The following RASSF10 variants were observed in gnomAD, a reference collection of about 807,000 sequenced individuals.
RASSF10 encodes the protein ras association domain-containing protein 10.
Under a neutral mutation model 41.5 loss-of-function variants are expected in RASSF10, and 22 were observed. The observed-to-expected ratio is 0.53, with a 90% CI of 0.38 to 0.76. RASSF10 has a LOEUF of 0.76. Ranked by LOEUF, RASSF10 falls within the 30% of genes least tolerant of loss-of-function variation. The pLI is 0.00. For missense variants in RASSF10, 776 were observed against 711.8 expected (o/e 1.09, Z -1.03); for synonymous variants, 364 against 319.0 (o/e 1.14, Z -1.50).
chr11:13,010,244 A>G lies in RASSF10; in HGVS notation c.668A>G (p.Glu223Gly). 6.3e-7 allele frequency: 1 copy of G among 1,581,102 alleles called. No individual in the cohort carries two copies. The highest frequency in any genetic ancestry group is 8.6e-7 in the Non-Finnish European group (1 of 1,164,556). ...CGGACCCACGAGAGCGCGTCGGTGGAGCGCATGGAGACGCTGGTGCATCTG... is the reference window on the plus strand; with the variant it reads ...CGGACCCACGAGAGCGCGTCGGTGGGGCGCATGGAGACGCTGGTGCATCTG... The part of the protein sequence containing the change: ...SPRTHESASV[E>G]RMETLVHLVL... Residue 223 changes from glutamate to glycine, a missense_variant, in exon 1 of 1, where the codon GAG becomes GGG. Glu to Gly is a moderately conservative substitution (Grantham distance 98, BLOSUM62 -2). Transcript: ENST00000529419. This position sits in a 1 kb window ranked among gnomAD's most constrained non-coding sequence, Gnocchi z 4.8.
rs1323791443 is a variant in RASSF10, at chr11:13,009,933, A to G, written c.357A>G (p.Glu119=). 1.9e-6 allele frequency: 3 copies of G among 1,592,968 alleles called. No homozygotes were observed. The highest frequency in any genetic ancestry group is 1.3e-5 in the African/African-American group (1 of 74,586). ...TGCGCCTCTGGGCTGCCTGGGGCGA[A>G]GAGCAAGAGAATGTGCGCTTCGTGC... is the stretch of plus-strand genomic sequence containing the variant. ...RILRLWAAWG[E]EQENVRFVLV... is the part of the protein sequence containing the mutation. The change falls in exon 1 of 1, where the codon GAA becomes GAG. Residue 119 remains glutamate, a synonymous_variant. Coordinates refer to ENST00000529419, the MANE Select transcript of RASSF10 (RefSeq NM_001080521.3).
chr11:13,011,361 GA>G lies in RASSF10; in HGVS notation c.*265del. 1 of 407,312 alleles carries G rather than the reference GA, an allele frequency of 2.5e-6. No homozygotes were observed. Among genetic ancestry groups the G allele is most frequent in the Non-Finnish European group, 4.4e-6 (1 of 227,104 alleles). 25.2% of individuals were successfully genotyped at this position (407,312 alleles called of 1,614,324 possible). On this transcript the variant is annotated 3_prime_UTR_variant, in exon 1 of 1. Transcript: ENST00000529419. Reference sequence around the variant, plus strand: ...GAGGAGGCAAGAACCCCCTATACTGGAAAACAAACAACCCAAGGAAATTGAC... The same window carrying G: ...GAGGAGGCAAGAACCCCCTATACTGGAAACAAACAACCCAAGGAAATTGAC...
rs1300751373 is a variant in RASSF10, at chr11:13,010,134, G to A, written c.558G>A (p.Lys186=). Reference sequence around the variant, plus strand: ...GCAAGGCCTTTCGCAAACTGGCCAAGCTCAACCGGCGGCGCCAGCAGCAGA... The same window carrying A: ...GCAAGGCCTTTCGCAAACTGGCCAAACTCAACCGGCGGCGCCAGCAGCAGA... ...VVRKAFRKLA[K]LNRRRQQQTP... is the part of the protein sequence containing the mutation. Residue 186 remains lysine (K), a synonymous_variant, in exon 1 of 1, where the codon AAG becomes AAA. Transcript: ENST00000529419. This position sits in a 1 kb window ranked among gnomAD's most constrained non-coding sequence, Gnocchi z 4.8. 4.5e-6 allele frequency: 7 copies of A among 1,560,472 alleles called. No homozygotes were observed. Among genetic ancestry groups the A allele is most frequent in the Admixed American group, 1.9e-5 (1 of 52,674 alleles).
rs1590033328 is a variant in RASSF10 at position 13,010,496 on chromosome 11, C to T, written c.920C>T (p.Ala307Val). The change falls in exon 1 of 1, where the codon GCG becomes GTG. Residue 307 changes from alanine to valine, a missense_variant. Physicochemically the swap from Ala to Val is moderately conservative, Grantham distance 64. Coordinates refer to ENST00000529419, the MANE Select transcript of RASSF10 (RefSeq NM_001080521.3). This position sits in a 1 kb window ranked among gnomAD's most constrained non-coding sequence, Gnocchi z 4.8. Reference protein sequence around the residue: ...VAAEAEEAAAAPPLAGEAQAA... With the variant: ...VAAEAEEAAAVPPLAGEAQAA... ...GCGGAGGCGGAGGAGGCGGCGGCGGCGCCCCCTCTAGCCGGCGAGGCGCAG... is the reference window on the plus strand; with the variant it reads ...GCGGAGGCGGAGGAGGCGGCGGCGGTGCCCCCTCTAGCCGGCGAGGCGCAG... The T allele has an allele frequency of 4.0e-6, 6 of 1,514,366 alleles. No homozygotes were observed. Among genetic ancestry groups the T allele is most frequent in the Admixed American group, 2.2e-5 (1 of 46,094 alleles). The allele number at this position is 1,514,366 out of a possible 1,614,324, so 93.8% of individuals were successfully genotyped here. A position where few individuals can be genotyped will look rare whatever the true frequency, so the allele number is the denominator to read the frequency against.
rs769018272 is a variant in RASSF10 at position 13,010,648 on chromosome 11, T to G, written c.1072T>G (p.Trp358Gly). 1 of 1,590,908 alleles carries G rather than the reference T, an allele frequency of 6.3e-7. No homozygotes were observed. The highest frequency in any genetic ancestry group is 8.5e-7 in the Non-Finnish European group (1 of 1,169,720). The change falls in exon 1 of 1, where the codon TGG becomes GGG. Residue 358 changes from tryptophan to glycine, a missense_variant. By Grantham distance (184) the Trp-to-Gly change is radical. Transcript: ENST00000529419. This position sits in a 1 kb window ranked among gnomAD's most constrained non-coding sequence, Gnocchi z 4.8. ...AEIQEELNQR[W>G]MRRRQEELAA... ...GATTCAGGAGGAACTCAACCAGAGG[T>G]GGATGCGACGGCGCCAGGAGGAGCT...
rs1484673316 is a variant in RASSF10 at position 13,010,968 on chromosome 11, C to A, written c.1392C>A (p.Ala464=). ...PSREPGPQAC[A]DMWVDQARGL... ...GGGAACCTGGGCCTCAAGCCTGCGC[C>A]GACATGTGGGTGGACCAGGCCCGTG... Residue 464 remains alanine (A), a synonymous_variant, in exon 1 of 1, where the codon GCC becomes GCA. Transcript: ENST00000529419. This position sits in a 1 kb window ranked among gnomAD's most constrained non-coding sequence, Gnocchi z 4.8. 2 of 1,613,576 alleles carry A rather than the reference C, an allele frequency of 1.2e-6. No homozygotes were observed. Among genetic ancestry groups the A allele is most frequent in the Admixed American group, 3.3e-5 (2 of 60,000 alleles).
At position 13,009,676 on chromosome 11, in the gene RASSF10, G is replaced by A; in HGVS notation, c.100G>A (p.Val34Met). 6 of 1,603,840 alleles carry A rather than the reference G, an allele frequency of 3.7e-6. No individual in the cohort carries two copies. The highest frequency in any genetic ancestry group is 5.1e-6 in the Non-Finnish European group (6 of 1,175,680). Residue 34 changes from valine (V) to methionine (M), a missense_variant, in exon 1 of 1, where the codon GTG becomes ATG. Val to Met is a conservative substitution (Grantham distance 21). Transcript: ENST00000529419. ...CACCACTTGCTCCGACGTTGTGCGA[G>A]TGCTTTTGGAGGACGGCTGCCGGCG... ...RRTTCSDVVR[V>M]LLEDGCRRRR...
Position 13,010,389 on chromosome 11 carries a change from C to T in RASSF10, c.813C>T (p.Asn271=), listed in dbSNP as rs1195756609. Reference sequence around the variant, plus strand: ...ACCGCATGCGGCGTCACGGGGTCAACTACGTGCAGGACACTTACTTGGTTG... The same window carrying T: ...ACCGCATGCGGCGTCACGGGGTCAATTACGTGCAGGACACTTACTTGGTTG... ...HLDRMRRHGV[N]YVQDTYLVGA... is the part of the protein sequence containing the mutation. Residue 271 remains asparagine, a synonymous_variant, in exon 1 of 1, where the codon AAC becomes AAT. Transcript: ENST00000529419. This position sits in a 1 kb window ranked among gnomAD's most constrained non-coding sequence, Gnocchi z 4.8. 1.3e-6 allele frequency: 2 copies of T among 1,551,110 alleles called. No homozygotes were observed. Among genetic ancestry groups the T allele is most frequent in the African/African-American group, 1.4e-5 (1 of 73,050 alleles).
chr11:13,011,005 A>G lies in RASSF10; in HGVS notation c.1429A>G (p.Ser477Gly). The G allele has an allele frequency of 6.2e-7, 1 of 1,613,294 alleles. No homozygotes were observed. The highest frequency in any genetic ancestry group is 8.5e-7 in the Non-Finnish European group (1 of 1,179,790). The change falls in exon 1 of 1, where the codon AGC becomes GGC. Residue 477 changes from serine to glycine, a missense_variant. Transcript: ENST00000529419. ...WVDQARGLAK[S>G]GPGNDEDSDT... ...GGACCAGGCCCGTGGACTGGCCAAG[A>G]GCGGTCCTGGCAACGACGAAGACTC...
rs765141092 is a variant in RASSF10, at chr11:13,009,649, C to G, written c.73C>G (p.Arg25Gly). The part of the protein sequence containing the change: ...EEKLVSGLSR[R>G]TTCSDVVRVL... ...GAAGCTGGTGTCCGGCCTCTCCCGC[C>G]GCACCACTTGCTCCGACGTTGTGCG... The change falls in exon 1 of 1, where the codon CGC becomes GGC. Residue 25 changes from arginine to glycine, a missense_variant. Coordinates refer to ENST00000529419, the MANE Select transcript of RASSF10 (RefSeq NM_001080521.3). 1.7e-5 allele frequency: 27 copies of G among 1,607,864 alleles called. 1 individual carries two copies. In the South Asian group the frequency reaches 2.9e-4, roughly 17 times the overall value.
chr11:13,010,194 T>C lies in RASSF10; in HGVS notation c.618T>C (p.Thr206=), dbSNP rs1311890761. The change falls in exon 1 of 1, where the codon ACT becomes ACC. Residue 206 remains threonine (T), a synonymous_variant. Coordinates refer to ENST00000529419, the MANE Select transcript of RASSF10 (RefSeq NM_001080521.3). This position sits in a 1 kb window ranked among gnomAD's most constrained non-coding sequence, Gnocchi z 4.8. ...PSSCSSTSSS[T]ASSCSSSPRT... ...CCTGTTCGTCCACTTCGTCGTCCACTGCCTCGTCCTGCTCTTCGTCGCCGC... is the reference window on the plus strand; with the variant it reads ...CCTGTTCGTCCACTTCGTCGTCCACCGCCTCGTCCTGCTCTTCGTCGCCGC... 1.3e-6 allele frequency: 2 copies of C among 1,595,306 alleles called. No individual in the cohort carries two copies. The highest frequency in any genetic ancestry group is 2.7e-5 in the African/African-American group (2 of 74,370).
chr11:13,009,582 T>C lies in RASSF10; in HGVS notation c.6T>C (p.Asp2=), dbSNP rs1483079629. The C allele has an allele frequency of 1.2e-6, 2 of 1,608,362 alleles. No individual in the cohort carries two copies. The highest frequency in any genetic ancestry group is 1.1e-5 in the South Asian group (1 of 90,818). M[D]PSEKKISVWI... is the part of the protein sequence containing the mutation. ...ACCTGCGCCCTGGTTGCGCCATGGA[T>C]CCTTCGGAAAAGAAGATATCGGTGT... Residue 2 remains aspartate (D), a synonymous_variant, in exon 1 of 1, where the codon GAT becomes GAC. Coordinates refer to ENST00000529419, the MANE Select transcript of RASSF10 (RefSeq NM_001080521.3).
chr11:13,009,406 C>G lies in RASSF10; in HGVS notation c.-171C>G. 1 of 1,431,292 alleles carries G rather than the reference C, an allele frequency of 7.0e-7. No individual in the cohort carries two copies. The highest frequency in any genetic ancestry group is 9.4e-7 in the Non-Finnish European group (1 of 1,066,302). The allele number at this position is 1,431,292 out of a possible 1,614,324, so 88.7% of individuals were successfully genotyped here. A position where few individuals can be genotyped will look rare whatever the true frequency, so the allele number is the denominator to read the frequency against. Reference sequence around the variant, plus strand: ...GCGCAGCCGCAACCGCGACCACAGCCGCAGTCGCTTTCCAGCCTGCCTTCG... The same window carrying G: ...GCGCAGCCGCAACCGCGACCACAGCGGCAGTCGCTTTCCAGCCTGCCTTCG... On this transcript the variant is annotated 5_prime_UTR_variant, in exon 1 of 1. Transcript: ENST00000529419.
chr11:13,009,938 A>G lies in RASSF10; in HGVS notation c.362A>G (p.Gln121Arg), dbSNP rs1199387324. The change falls in exon 1 of 1, where the codon CAA (glutamine) becomes CGA (arginine). Residue 121 changes from glutamine (Q) to arginine (R), a missense_variant. By Grantham distance (43) the Gln-to-Arg change is conservative (BLOSUM62 1). Transcript: ENST00000529419. ...CTCTGGGCTGCCTGGGGCGAAGAGC[A>G]AGAGAATGTGCGCTTCGTGCTAGTG... is the stretch of plus-strand genomic sequence containing the variant. ...LRLWAAWGEEQENVRFVLVRS... is the reference protein window; with the variant it reads ...LRLWAAWGEERENVRFVLVRS... 4 of 1,591,016 alleles carry G rather than the reference A, an allele frequency of 2.5e-6. No homozygotes were observed. The African/African-American group carries it at 5.4e-5, about 21-fold the overall frequency.
rs372296971 is a variant in RASSF10, at chr11:13,009,453, C to G, written c.-124C>G. On this transcript the variant is annotated 5_prime_UTR_variant, in exon 1 of 1. Transcript: ENST00000529419. ...TTCGGTGCGCAGCGGGGGAACAGGG[C>G]TAGTGCAGCCGCCGGAGGGGGGCAC... 1.3e-6 allele frequency: 2 copies of G among 1,506,244 alleles called. No individual in the cohort carries two copies. The highest frequency in any genetic ancestry group is 1.8e-6 in the Non-Finnish European group (2 of 1,129,952). The allele number at this position is 1,506,244 out of a possible 1,614,324, so 93.3% of individuals were successfully genotyped here. A position where few individuals can be genotyped will look rare whatever the true frequency, so the allele number is the denominator to read the frequency against.
In RASSF10 at chr11:13,011,200, C is replaced by G. The variant is rs565980795; in HGVS notation, c.*100C>G. 8.8e-4 allele frequency: 876 copies of G among 993,362 alleles called. No homozygotes were observed. The highest frequency in any genetic ancestry group is 1.3e-3 in the Admixed American group (48 of 35,834). 61.5% of individuals were successfully genotyped at this position (993,362 alleles called of 1,614,324 possible). A position where few individuals can be genotyped will look rare whatever the true frequency, so the allele number is the denominator to read the frequency against. On this transcript the variant is annotated 3_prime_UTR_variant, in exon 1 of 1. Transcript: ENST00000529419. Reference sequence around the variant, plus strand: ...TCGCGGACTTGAAACCAGGCTGTTGCGAGCCCAGAGCTCCGGCTGGGCAGC... The same window carrying G: ...TCGCGGACTTGAAACCAGGCTGTTGGGAGCCCAGAGCTCCGGCTGGGCAGC...
rs757495707 is a variant in RASSF10, at chr11:13,010,250, T to G, written c.674T>G (p.Met225Arg). ...CACGAGAGCGCGTCGGTGGAGCGCA[T>G]GGAGACGCTGGTGCATCTGGTGCTT... is the stretch of plus-strand genomic sequence containing the variant. ...RTHESASVER[M>R]ETLVHLVLSQ... The change falls in exon 1 of 1, where the codon ATG (methionine) becomes AGG (arginine). Residue 225 changes from methionine (M) to arginine (R), a missense_variant. Physicochemically the swap from Met to Arg is moderately conservative, Grantham distance 91. Transcript: ENST00000529419. The surrounding 1 kb of genome is among the most constrained non-coding windows in gnomAD (Gnocchi z 4.8). 7 of 1,576,036 alleles carry G rather than the reference T, an allele frequency of 4.4e-6. 1 individual carries two copies. In the South Asian group the frequency reaches 8.2e-5, roughly 18 times the overall value.
At position 13,010,228 on chromosome 11, in the gene RASSF10, G is replaced by C. The variant is rs767907176; in HGVS notation, c.652G>C (p.Glu218Gln). 3.1e-6 allele frequency: 5 copies of C among 1,589,304 alleles called. No homozygotes were observed. In the East Asian group the frequency reaches 1.2e-4, roughly 37 times the overall value. ...CTGCTCTTCGTCGCCGCGGACCCACGAGAGCGCGTCGGTGGAGCGCATGGA... is the reference window on the plus strand; with the variant it reads ...CTGCTCTTCGTCGCCGCGGACCCACCAGAGCGCGTCGGTGGAGCGCATGGA... Reference protein sequence around the residue: ...SSCSSSPRTHESASVERMETL... With the variant: ...SSCSSSPRTHQSASVERMETL... The change falls in exon 1 of 1, where the codon GAG becomes CAG. Residue 218 changes from glutamate (E) to glutamine (Q), a missense_variant. Physicochemically the swap from Glu to Gln is conservative, Grantham distance 29 (BLOSUM62 2). Coordinates refer to ENST00000529419, the MANE Select transcript of RASSF10 (RefSeq NM_001080521.3). The surrounding 1 kb of genome is among the most constrained non-coding windows in gnomAD (Gnocchi z 4.8).
Position 13,010,347 on chromosome 11 carries a change from G to T in RASSF10, c.771G>T (p.Glu257Asp), listed in dbSNP as rs1005844539. The T allele has an allele frequency of 1.3e-6, 2 of 1,551,508 alleles. No homozygotes were observed. The change falls in exon 1 of 1, where the codon GAG (glutamate) becomes GAT (aspartate). Residue 257 changes from glutamate to aspartate, a missense_variant. Glu to Asp is a conservative substitution (Grantham distance 45, BLOSUM62 2). Coordinates refer to ENST00000529419, the MANE Select transcript of RASSF10 (RefSeq NM_001080521.3). This position sits in a 1 kb window ranked among gnomAD's most constrained non-coding sequence, Gnocchi z 4.8. ...TGGACCGCGAGATCGATCACTACGA[G>T]GCCAAGGTGCACCTGGACCGCATGC... Reference protein sequence around the residue: ...HELDREIDHYEAKVHLDRMRR... With the variant: ...HELDREIDHYDAKVHLDRMRR...
Sources: gnomAD v4.1 joint callset for allele counts on GRCh38, gnomAD v4.1.1 for gene constraint, Gnocchi (gnomAD v3.1) non-coding constraint, MANE v1.5 for transcripts, NCBI Gene and HGNC (gene_info 2026-07-23, HGNC 2026-07-21) for gene names.